Variants in KANK1 observed in about 807,000 individuals in gnomAD.
The protein encoded by KANK1 is KN motif and ankyrin repeat domains 1, also known as KN motif and ankyrin repeat domain-containing protein 1.
A neutral mutation model predicts 106.2 loss-of-function variants in KANK1; 109 were observed. That is an observed-to-expected ratio of 1.03 (90% CI 0.88 to 1.20). The LOEUF (loss-of-function observed/expected upper bound fraction) is 1.20. Among genes scored for constraint, KANK1 ranks in the 50% most tolerant of loss-of-function variants. The pLI, the probability that KANK1 is intolerant of heterozygous loss-of-function variation, is 0.00. For synonymous variants in KANK1, 873 were observed against 652.2 expected (o/e 1.34, Z -5.16); for missense variants, 2,399 against 1,710.7 (o/e 1.40, Z -7.10).
chr9:487,156 A>G (rs2058307445), intron 3 of KANK1, among the ~76,000 whole-genome samples: 1 of 152,196 alleles, frequency 6.6e-6, no homozygotes, highest in Admixed American at 6.5e-5. Flanking sequence ...ACAGCTTAGA[A>G]GGCTGCTCCT....
chr9:740,262 T>A (rs1835053178), intron 8 of KANK1, among the ~76,000 whole-genome samples: 1 of 152,186 alleles, frequency 6.6e-6, no homozygotes, highest in African/African-American at 2.4e-5. Context: ...ATTCTGGAGC[T>A]GGATGTTATA....
At chr9:543,390 T>A (rs2060727157) in intron 1 of KANK1, among the ~76,000 whole-genome samples, 1 of 151,768 alleles carries the variant, frequency 6.6e-6, no homozygotes. Context: ...ACCCCATGTC[T>A]ATTAAAACTA....
intron 3 of KANK1, among the ~76,000 whole-genome samples, chr9:498,479 C>G (rs964545444): frequency 3.3e-5 from 5 of 152,112 alleles, no homozygotes; most frequent in South Asian, 2.1e-4. Context: ...TAGGATAGTC[C>G]TCCTTGTGAC....
chr9:678,958 T>C (rs1234108637), intron 2 of KANK1, among the ~76,000 whole-genome samples: 3 of 152,092 alleles, frequency 2.0e-5, no homozygotes, highest in African/African-American at 7.2e-5. Context: ...TTGGGCAAAA[T>C]CCTTTCTTCA....
At chr9:593,546 T>C (rs969164193) in intron 1 of KANK1, among the ~76,000 whole-genome samples, 6 of 151,520 alleles carry the variant, frequency 4.0e-5, no homozygotes, top group African/African-American at 1.5e-4. Flanking sequence ...AAGCCTTTGT[T>C]TTTTGGCTGG....
chr9:671,732 C>T (rs765356613), intron 1 of KANK1, among the ~76,000 whole-genome samples: 1 of 151,698 alleles, frequency 6.6e-6, no homozygotes, highest in African/African-American at 2.4e-5. Flanking sequence ...AATACAGTTG[C>T]TCTAAAAACA....
chr9:738,863 T>A (rs1024635964), intron 8 of KANK1, among the ~76,000 whole-genome samples: 14 of 152,204 alleles, frequency 9.2e-5, no homozygotes, highest in African/African-American at 3.1e-4. Context: ...GGCAGAGTGC[T>A]GCTTACAGGC....
chr9:710,722 T>C lies in KANK1; in HGVS notation c.38-82T>C, dbSNP rs186232498. 1.9e-5 allele frequency: 25 copies of C among 1,316,878 alleles called. No homozygotes were observed. The Admixed American group carries it at 6.0e-4, about 32-fold the overall frequency. The allele number at this position is 1,316,878 out of a possible 1,614,324, so 81.6% of individuals were successfully genotyped here. A position where few individuals can be genotyped will look rare whatever the true frequency, so the allele number is the denominator to read the frequency against. The stretch of plus-strand genomic sequence containing the variant: ...AACTCTTAAAATCATACCAGCTTGC[T>C]GTACTGCAACAAACACAAATATTAG... On this transcript the variant is annotated intron_variant, in intron 2 of 11. Transcript: ENST00000382297.
At chr9:513,279 T>C (rs1377238723) in intron 1 of KANK1, among the ~76,000 whole-genome samples, 2 of 152,270 alleles carry the variant, frequency 1.3e-5, no homozygotes, top group African/African-American at 2.4e-5. Context: ...AAGAATCTTA[T>C]TACAGACACA....
At chr9:556,875 C>T (rs1224764958) in intron 1 of KANK1, among the ~76,000 whole-genome samples, 1 of 152,272 alleles carries the variant, frequency 6.6e-6, no homozygotes, top group South Asian at 2.1e-4. Context: ...CCAGTATGGT[C>T]TCAGTAATGA....
chr9:481,734 A>G (rs920754170), intron 3 of KANK1, among the ~76,000 whole-genome samples: 2 of 152,004 alleles, frequency 1.3e-5, no homozygotes, highest in Admixed American at 1.3e-4. Flanking sequence ...AGTGGCTCAC[A>G]CCTCGATCTC....
chr9:630,737 A>C (rs186440850), intron 1 of KANK1, among the ~76,000 whole-genome samples: 189 of 151,310 alleles, frequency 1.2e-3, no homozygotes, highest in Non-Finnish European at 1.9e-3. Flanking sequence ...CCCTGTGTCT[A>C]CTAAAAATAC....
At chr9:580,644 A>G (rs1821838990) in intron 1 of KANK1, among the ~76,000 whole-genome samples, 1 of 152,172 alleles carries the variant, frequency 6.6e-6, no homozygotes, top group South Asian at 2.1e-4. Context: ...TGTATTTACA[A>G]TCCCTTAGCT....
At chr9:573,484 A>G (rs530651624) in intron 1 of KANK1, among the ~76,000 whole-genome samples, 1 of 151,942 alleles carries the variant, frequency 6.6e-6, no homozygotes, top group African/African-American at 2.4e-5. Flanking sequence ...GTTAGCCAGG[A>G]TGGTCTCGAT....
chr9:563,374 G>T (rs1411108991), intron 1 of KANK1, among the ~76,000 whole-genome samples: 1 of 152,130 alleles, frequency 6.6e-6, no homozygotes, highest in Non-Finnish European at 1.5e-5. Flanking sequence ...TGAGAACTCT[G>T]AACAGCCATT....
chr9:542,044 G>C (rs371768580), intron 1 of KANK1, among the ~76,000 whole-genome samples: 1 of 151,552 alleles, frequency 6.6e-6, no homozygotes, highest in Non-Finnish European at 1.5e-5. Flanking sequence ...AGCCGAGATC[G>C]CGCCACTGCA....
chr9:658,872 T>G (rs1415478577), intron 1 of KANK1, among the ~76,000 whole-genome samples: 1 of 152,162 alleles, frequency 6.6e-6, no homozygotes, highest in Non-Finnish European at 1.5e-5. Context: ...CCTAGTTAAC[T>G]CCTACTTATC....
At chr9:642,167 A>C (rs1838612894) in intron 1 of KANK1, among the ~76,000 whole-genome samples, 1 of 151,470 alleles carries the variant, frequency 6.6e-6, no homozygotes, top group Admixed American at 6.6e-5. Context: ...CTGACACGGC[A>C]GATGCTGGGC....
At position 475,188 on chromosome 9, in the gene KANK1, A is replaced by C. The variant is rs149074070; in HGVS notation, c.-362+1915A>C. ...ACTAAGAGGCAAAGTGGCGGAGTTT[A>C]ATTGGTAAATGACCTTCCTGTAGGA... On this transcript the variant is annotated intron_variant, in intron 3 of 15. Coordinates refer to the KANK1 transcript ENST00000382303. Among the ~76,000 whole-genome samples, 860 of 152,276 alleles carry C rather than the reference A, an allele frequency of 5.6e-3. 7 individuals carry two copies. Among genetic ancestry groups the C allele is most frequent in the South Asian group, 0.056 (269 of 4,822 alleles).
Sources: gnomAD v4.1 joint callset for allele counts (sites outside exome capture counted in the v4.1 genomes callset) on GRCh38, gnomAD v4.1.1 for gene constraint, MANE v1.5 for transcripts, NCBI Gene and HGNC (gene_info 2026-07-23, HGNC 2026-07-21) for gene names.